Variants in ABCB4 observed in about 807,000 individuals in gnomAD.
ABCB4 encodes the protein ATP binding cassette subfamily B member 4.
ABCB4 carries 76 observed loss-of-function variants against 145.7 expected under a neutral mutation model. The ratio of observed to expected loss-of-function variants is 0.52; its 90% CI spans 0.43 to 0.63. The LOEUF is 0.63. Ranked by LOEUF, ABCB4 falls within the 30% of genes least tolerant of loss-of-function variation. The pLI is 0.00. For missense variants in ABCB4, 1,234 were observed against 1,553.1 expected (o/e 0.79, Z 3.45); for synonymous variants, 517 against 566.8 (o/e 0.91, Z 1.25).
At chr7:87,397,402 A>T (rs1192939263), downstream of ABCB4, among the ~76,000 whole-genome samples, 1 of 152,002 alleles carries the variant, frequency 6.6e-6, no homozygotes, top group Admixed American at 6.6e-5. Flanking sequence ...AACATAAATT[A>T]CTTGTTTACC....
Position 87,426,918 on chromosome 7 carries a change from T to G in ABCB4, c.1896A>C (p.Thr632=). 1 of 1,611,822 alleles carries G rather than the reference T, an allele frequency of 6.2e-7. No individual in the cohort carries two copies. The highest frequency in any genetic ancestry group is 8.5e-7 in the Non-Finnish European group (1 of 1,179,352). ...GVYFKLVNMQ[T]SGSQIQSEEF... ...CTTCTGACTGGATCTGGCTTCCTGA[T>G]GTCTGAAAGAATATCAAGACATTAA... Residue 632 remains threonine (T), a splice_region_variant and synonymous_variant, in exon 16 of 28, where the codon ACA becomes ACC. Transcript: ENST00000649586.
rs935068301 is a variant in ABCB4 at position 87,403,189 on chromosome 7, A to C, written c.3579T>G (p.Pro1193=). The change falls in exon 27 of 28, where the codon CCT becomes CCG. Residue 1193 remains proline, a synonymous_variant. Transcript: ENST00000649586. ...TAGCTTCATCCAACAGGAGGATTTG[A>C]GGTTGTCTGATGAGGGCTCGGGCAA... ...IAIARALIRQ[P]QILLLDEATS... is the part of the protein sequence containing the mutation. The C allele has an allele frequency of 6.2e-7, 1 of 1,614,028 alleles. No individual in the cohort carries two copies. Among genetic ancestry groups the C allele is most frequent in the South Asian group, 1.1e-5 (1 of 91,076 alleles).
At chr7:87,439,091 A>T (rs1810801566) in intron 14 of ABCB4, among the ~76,000 whole-genome samples, 1 of 152,190 alleles carries the variant, frequency 6.6e-6, no homozygotes, top group Non-Finnish European at 1.5e-5. Context: ...TACCAAGATA[A>T]GGTCTTTCCT....
intron 6 of ABCB4, chr7:87,452,495 A>G (rs1811810035): frequency 1.0e-5 from 2 of 196,444 alleles, no homozygotes; most frequent in Non-Finnish European, 2.1e-5. Context: ...AAGGACAGAG[A>G]TCTGTGCTTT....
At position 87,406,405 on chromosome 7, in the gene ABCB4, G is replaced by A; in HGVS notation, c.3369C>T (p.Asp1123=). 6.2e-7 allele frequency: 1 copy of A among 1,614,118 alleles called. No homozygotes were observed. Among genetic ancestry groups the A allele is most frequent in the Non-Finnish European group, 8.5e-7 (1 of 1,180,028 alleles). ...GIVSQEPILF[D]CSIAENIAYG... is the part of the protein sequence containing the mutation. ...AGGCAATATTCTCGGCAATGCTGCA[G>A]TCAAATAGGATAGGCTCCTGAGACA... is the stretch of plus-strand genomic sequence containing the variant. The change falls in exon 26 of 28, where the codon GAC becomes GAT. Residue 1123 remains aspartate, a synonymous_variant. Coordinates refer to ENST00000649586, the MANE Select transcript of ABCB4 (RefSeq NM_000443.4).
chr7:87,409,350 A>G lies in ABCB4; in HGVS notation c.2967T>C (p.His989=). 1.2e-6 allele frequency: 2 copies of G among 1,614,162 alleles called. No homozygotes were observed. Among genetic ancestry groups the G allele is most frequent in the Non-Finnish European group, 8.5e-7 (1 of 1,179,992 alleles). ...AIVFGAVALG[H]ASSFAPDYAK... is the part of the protein sequence containing the mutation. The stretch of plus-strand genomic sequence containing the variant: ...CATAGTCTGGAGCAAATGAACTGGC[A>G]TGTCCTAGAGCCACTGCACCAAATA... Residue 989 remains histidine (H), a synonymous_variant, in exon 24 of 28, where the codon CAT becomes CAC. Transcript: ENST00000649586.
intron 3 of ABCB4, among the ~76,000 whole-genome samples, chr7:87,464,516 T>C (rs914214885): frequency 6.6e-5 from 10 of 152,180 alleles, no homozygotes; most frequent in Non-Finnish European, 1.2e-4. Flanking sequence ...CAGGGTCAGG[T>C]TGTTAACATT....
At chr7:87,395,986 G>A in the ABCB4 span, among the ~76,000 whole-genome samples, 2 of 152,164 alleles carry the variant, frequency 1.3e-5, no homozygotes, top group African/African-American at 2.4e-5. Flanking sequence ...AGTCATGAAA[G>A]CAGTCAAGCC....
chr7:87,392,445 T>A, the ABCB4 span: 24 of 735,632 alleles, frequency 3.3e-5, no homozygotes, highest in Admixed American at 2.8e-4. Flanking sequence ...GTGTTATAGA[T>A]CTTCCTAGAA....
intron 5 of ABCB4, among the ~76,000 whole-genome samples, chr7:87,453,476 C>A (rs1811899346): frequency 6.6e-6 from 1 of 152,090 alleles, no homozygotes; most frequent in Non-Finnish European, 1.5e-5. Context: ...AGCCACCACC[C>A]CCACCCTACC....
Position 87,451,716 on chromosome 7 carries a change from T to G in ABCB4, c.615A>C (p.Gly205=). Residue 205 remains glycine, a synonymous_variant, in exon 7 of 28, where the codon GGA becomes GGC. Transcript: ENST00000649586. ...FFQAVATFFA[G]FIVGFIRGWK... ...ATCCTCTGATGAATCCCACTATGAA[T>G]CCTGCAAAAAACGTGGCTACTGCTT... The G allele has an allele frequency of 1.2e-6, 2 of 1,614,142 alleles. No individual in the cohort carries two copies. The highest frequency in any genetic ancestry group is 1.7e-6 in the Non-Finnish European group (2 of 1,180,018).
chr7:87,441,465 G>A (rs1233583086), intron 12 of ABCB4, among the ~76,000 whole-genome samples: 3 of 151,854 alleles, frequency 2.0e-5, no homozygotes, highest in Non-Finnish European at 2.9e-5. Context: ...CCAGAGAGTC[G>A]CATGTTCATA....
At chr7:87,374,621 T>C in the ABCB4 span, among the ~76,000 whole-genome samples, 1 of 152,064 alleles carries the variant, frequency 6.6e-6, no homozygotes, top group Non-Finnish European at 1.5e-5. Context: ...GTTGCTCTGC[T>C]ATAGATGCAG....
chr7:87,370,192 T>C, the ABCB4 span, among the ~76,000 whole-genome samples: 1 of 150,648 alleles, frequency 6.6e-6, no homozygotes, highest in Non-Finnish European at 1.5e-5. Context: ...TAAAAAATAA[T>C]TTTTTTTTTG....
At chr7:87,475,579 G>A in intron 1 of ABCB4, 55 bp downstream of exon 1, 1 of 1,067,984 alleles carries the variant, frequency 9.4e-7, no homozygotes, top group Non-Finnish European at 1.4e-6. Flanking sequence ...CTCCCGCCCC[G>A]CGCCCCACGT....
the ABCB4 span, among the ~76,000 whole-genome samples, chr7:87,391,193 AAG>A: frequency 6.6e-6 from 1 of 152,226 alleles, no homozygotes; most frequent in Non-Finnish European, 1.5e-5. Context: ...ATAAGAGAAC[AAG>A]AGAGAGCTCT....
chr7:87,432,055 G>T (rs1028909445), intron 14 of ABCB4, among the ~76,000 whole-genome samples: 8 of 152,122 alleles, frequency 5.3e-5, no homozygotes, highest in Middle Eastern at 3.2e-3. Flanking sequence ...AATGTACCTT[G>T]GGATCAGGAC....
the ABCB4 span, among the ~76,000 whole-genome samples, chr7:87,367,987 T>G: frequency 6.8e-4 from 104 of 152,330 alleles, 1 homozygote; most frequent in Admixed American, 5.7e-3. Context: ...CTCCCTTGCT[T>G]AAAACCATCC....
At position 87,406,321 on chromosome 7, in the gene ABCB4, G is replaced by T. The variant is rs1158494768; in HGVS notation, c.3453C>A (p.Ala1151=). 2.5e-6 allele frequency: 4 copies of T among 1,613,872 alleles called. No homozygotes were observed. In the South Asian group the frequency reaches 3.3e-5, roughly 13 times the overall value. ...ACGTCTCGATGAAAGGATGTATGTT[G>T]GCAGCTTTGGCTGCACTCACAATTT... The part of the protein sequence containing the change: ...QDEIVSAAKA[A]NIHPFIETLP... Residue 1151 remains alanine, a synonymous_variant, in exon 26 of 28, where the codon GCC becomes GCA. Coordinates refer to ENST00000649586, the MANE Select transcript of ABCB4 (RefSeq NM_000443.4).
Sources: allele counts gnomAD v4.1 joint callset (sites outside exome capture counted in the v4.1 genomes callset), GRCh38; gene constraint gnomAD v4.1.1; transcripts MANE v1.5; gene names NCBI Gene and HGNC (gene_info 2026-07-23, HGNC 2026-07-21).